The following PIK3R6 variants were observed in gnomAD, a reference collection of about 807,000 sequenced individuals.
PIK3R6 encodes the protein phosphoinositide-3-kinase regulatory subunit 6, also known as phosphoinositide 3-kinase regulatory subunit 6.
PIK3R6 carries 91 observed loss-of-function variants against 84.9 expected under a neutral mutation model. The ratio of observed to expected loss-of-function variants is 1.07; its 90% confidence interval spans 0.90 to 1.28. PIK3R6 has a LOEUF of 1.28. Ranked by LOEUF, PIK3R6 falls within the 50% of genes most tolerant of loss-of-function variation. PIK3R6 has a pLI of 0.00. For missense variants in PIK3R6, 996 were observed against 985.1 expected, an observed-to-expected ratio of 1.01 and a Z score of -0.15; for synonymous variants, 416 against 411.4, an observed-to-expected ratio of 1.01 and a Z score of -0.13.
At chr17:8,852,141 G>A (rs899189552) in intron 1 of PIK3R6, among the ~76,000 whole-genome samples, 4 of 152,220 alleles carry the variant, frequency 2.6e-5, no homozygotes, top group African/African-American at 9.6e-5. Flanking sequence ...TGAAAGGGAA[G>A]TTACTGTTTA....
In PIK3R6 at chr17:8,842,277, C is replaced by T. The variant is rs146812811; in HGVS notation, c.14-2580G>A. Among the ~76,000 whole-genome samples the T allele has an allele frequency of 4.4e-3, 670 of 152,268 alleles. 2 individuals are homozygous for T. Among genetic ancestry groups the T allele is most frequent in the African/African-American group, 0.015 (638 of 41,548 alleles). ...AGACAGCTGTGAAATCCATCACTTT[C>T]TGCTGAGCCACGCCTCCCAGCCAAA... On this transcript the variant is annotated intron_variant, in intron 2 of 19. Transcript: ENST00000619866. This position sits in a 1 kb window ranked among gnomAD's most constrained non-coding sequence, Gnocchi z 4.5.
At chr17:8,826,696 A>G (rs879351030) in intron 13 of PIK3R6, among the ~76,000 whole-genome samples, 1 of 152,110 alleles carries the variant, frequency 6.6e-6, no homozygotes, top group Non-Finnish European at 1.5e-5. Flanking sequence ...TAAAACCTAG[A>G]TAAGGGGTTG....
chr17:8,840,897 C>T lies in PIK3R6; in HGVS notation c.14-1200G>A, dbSNP rs1186554285. Among the ~76,000 whole-genome samples, 4 of 151,338 alleles carry T rather than the reference C, an allele frequency of 2.6e-5. No individual in the cohort carries two copies. In the South Asian group the frequency reaches 6.2e-4, roughly 24 times the overall value. On this transcript the variant is annotated intron_variant, in intron 2 of 19. Coordinates refer to ENST00000619866, the MANE Select transcript of PIK3R6 (RefSeq NM_001010855.4). ...CCTCCCGAGTAGCTGGGACTACAGG[C>T]GCCTGCCACCACGCCTGGCTAATTT...
intron 1 of PIK3R6, among the ~76,000 whole-genome samples, chr17:8,854,449 G>A (rs543558855): frequency 2.4e-4 from 37 of 152,188 alleles, no homozygotes; most frequent in African/African-American, 7.2e-4. Flanking sequence ...GCTCAGCTTC[G>A]CACTCCTTAT....
intron 1 of PIK3R6, among the ~76,000 whole-genome samples, chr17:8,853,713 C>T (rs928448006): frequency 4.6e-5 from 7 of 151,874 alleles, no homozygotes; most frequent in South Asian, 4.2e-4. Context: ...TCTGTAATCC[C>T]GGCACTTTGG....
intron 18 of PIK3R6, among the ~76,000 whole-genome samples, chr17:8,814,575 T>C (rs1016703753): frequency 6.6e-6 from 1 of 151,910 alleles, no homozygotes; most frequent in Non-Finnish European, 1.5e-5. Flanking sequence ...AGTCCTTAAA[T>C]AGCCTAAATT....
chr17:8,809,796 A>G (rs1317144045), intron 18 of PIK3R6, among the ~76,000 whole-genome samples: 1 of 152,170 alleles, frequency 6.6e-6, no homozygotes, highest in Non-Finnish European at 1.5e-5. Context: ...TGTTAAAGAC[A>G]TTTACACTCT....
At chr17:8,845,462 G>C (rs1035547732) in intron 2 of PIK3R6, among the ~76,000 whole-genome samples, 2 of 152,150 alleles carry the variant, frequency 1.3e-5, no homozygotes, top group Non-Finnish European at 2.9e-5. Context: ...GTCTTCTTTT[G>C]AGAAGTGTCT....
At chr17:8,847,375 A>G (rs1216177518) in intron 2 of PIK3R6, among the ~76,000 whole-genome samples, 2 of 152,234 alleles carry the variant, frequency 1.3e-5, no homozygotes, top group Non-Finnish European at 2.9e-5. Context: ...TGGCAAAATA[A>G]CAATAGCCTT....
rs1225740407 is a variant in PIK3R6, at chr17:8,821,941, G to A, written c.1789-5C>T. 1.9e-6 allele frequency: 3 copies of A among 1,572,754 alleles called. No individual in the cohort carries two copies. The highest frequency in any genetic ancestry group is 2.6e-6 in the Non-Finnish European group (3 of 1,158,138). ...GGGCCGGTGGCTAAGCAAGGCCTGA[G>A]GAGGGGGATCGAGGAACAGGTGGAG... On this transcript the variant is annotated splice_polypyrimidine_tract_variant and splice_region_variant and intron_variant, in intron 16 of 19. Transcript: ENST00000619866.
intron 8 of PIK3R6, among the ~76,000 whole-genome samples, chr17:8,833,528 C>G (rs868430112): frequency 6.0e-5 from 9 of 150,454 alleles, no homozygotes; most frequent in Non-Finnish European, 1.2e-4. Flanking sequence ...GGAAGCCCCC[C>G]CTGAGAAAGT....
In PIK3R6 at chr17:8,832,753, C is replaced by T. The variant is rs374284989; in HGVS notation, c.802+136G>A. 61 of 1,356,650 alleles carry T rather than the reference C, an allele frequency of 4.5e-5. No homozygotes were observed. The Middle Eastern group carries it at 1.2e-3, about 28-fold the overall frequency. 84.0% of individuals were successfully genotyped at this position (1,356,650 alleles called of 1,614,324 possible). A position where few individuals can be genotyped will look rare whatever the true frequency, so the allele number is the denominator to read the frequency against. On this transcript the variant is annotated intron_variant, in intron 9 of 19. Transcript: ENST00000619866. ...TCCTGCCAAACCCCCAGGCTGCCCC[C>T]AGTCCCCAGGCTCCTGGGAGTCGGC...
chr17:8,866,583 C>T (rs565533564), intron 1 of PIK3R6, among the ~76,000 whole-genome samples: 1 of 152,174 alleles, frequency 6.6e-6, no homozygotes, highest in East Asian at 1.9e-4. Flanking sequence ...TCCACACACC[C>T]CCTCTAGCTG....
At chr17:8,841,899 C>T (rs1354236654) in intron 2 of PIK3R6, among the ~76,000 whole-genome samples, 4 of 152,100 alleles carry the variant, frequency 2.6e-5, no homozygotes, top group Admixed American at 6.5e-5. Flanking sequence ...CAGTGTTGGA[C>T]GTGGGGCCTA....
intron 8 of PIK3R6, among the ~76,000 whole-genome samples, chr17:8,833,285 A>T (rs903947297): frequency 6.6e-6 from 1 of 152,218 alleles, no homozygotes; most frequent in African/African-American, 2.4e-5. Flanking sequence ...CTGGTCTGCA[A>T]TGTCTGTTAC....
Position 8,838,556 on chromosome 17 carries a change from G to T in PIK3R6, c.189+8C>A. 1 of 1,590,584 alleles carries T rather than the reference G, an allele frequency of 6.3e-7. No homozygotes were observed. ...CCCCGTCTTCCTCCCTGAGGTCCAG[G>T]AACTCACCTTCTCCAGTTCTCTGAG... On this transcript the variant is annotated splice_region_variant and intron_variant, in intron 4 of 19. Coordinates refer to ENST00000619866, the MANE Select transcript of PIK3R6 (RefSeq NM_001010855.4).
chr17:8,823,039 G>A lies in PIK3R6; in HGVS notation c.1674C>T (p.Leu558=), dbSNP rs550414680. The change falls in exon 15 of 20, where the codon CTC becomes CTT. Residue 558 remains leucine, a synonymous_variant. Transcript: ENST00000619866. ...CTTGGATCTTCACCTTCAGTTCAAT[G>A]AGGAAAATGTCCTCAGTAGGGTCTT... ...LSQDPTEDIF[L]IELKVKIQDS... is the part of the protein sequence containing the mutation. 49 of 1,611,158 alleles carry A rather than the reference G, an allele frequency of 3.0e-5. No individual in the cohort carries two copies. In the African/African-American group the frequency reaches 5.1e-4, roughly 17 times the overall value.
In PIK3R6 at chr17:8,844,636, CTTTTA is replaced by C. The variant is rs1180581752; in HGVS notation, c.14-4944_14-4940del. On this transcript the variant is annotated intron_variant, in intron 2 of 19. Transcript: ENST00000619866. This position sits in a 1 kb window ranked among gnomAD's most constrained non-coding sequence, Gnocchi z 4.5. ...CTTTTTTTATTTAAAATTTTTTTAA[CTTTTA>C]TTTTAGGTTCAGGAGGTACATGTGC... Among the ~76,000 whole-genome samples the C allele has an allele frequency of 6.6e-6, 1 of 151,492 alleles. No homozygotes were observed. Among genetic ancestry groups the C allele is most frequent in the Non-Finnish European group, 1.5e-5 (1 of 67,882 alleles).
chr17:8,832,180 C>T (rs1029504268), intron 9 of PIK3R6, among the ~76,000 whole-genome samples: 2 of 152,158 alleles, frequency 1.3e-5, no homozygotes, highest in East Asian at 1.9e-4. Flanking sequence ...TATTTAACCT[C>T]TTTCTAACTC....
Sources: allele counts gnomAD v4.1 joint callset (sites outside exome capture counted in the v4.1 genomes callset), GRCh38; gene constraint gnomAD v4.1.1; non-coding constraint Gnocchi (gnomAD v3.1); transcripts MANE v1.5; gene names NCBI Gene and HGNC (gene_info 2026-07-23, HGNC 2026-07-21).